Variants in IL34 observed in about 807,000 individuals in gnomAD.
The protein encoded by IL34 is interleukin-34.
A neutral mutation model predicts 25.3 loss-of-function variants in IL34; 17 were observed. The ratio of observed to expected loss-of-function variants is 0.67; its 90% CI spans 0.46 to 1.01. IL34 has a LOEUF of 1.01. IL34 is among the 50% of genes least tolerant of loss of function. The probability of loss-of-function intolerance (pLI) is 0.00; values close to 1 mark genes in which losing one functional copy is unlikely to be tolerated. For missense variants in IL34, 368 were observed against 312.9 expected, an observed-to-expected ratio of 1.18 and a Z score of -1.33; for synonymous variants, 174 against 140.9, an observed-to-expected ratio of 1.23 and a Z score of -1.66.
chr16:70,656,322 C>T (rs931872032), intron 2 of IL34, among the ~76,000 whole-genome samples: 1 of 152,136 alleles, frequency 6.6e-6, no homozygotes, highest in African/African-American at 2.4e-5. Context: ...GATTCAAGAC[C>T]AGCCTGGGCA....
chr16:70,633,764 C>A (rs1324017784), intron 1 of IL34, among the ~76,000 whole-genome samples: 1 of 152,130 alleles, frequency 6.6e-6, no homozygotes, highest in Non-Finnish European at 1.5e-5. Flanking sequence ...CTGTCTCTTC[C>A]CAGGTTCTGG....
Position 70,658,872 on chromosome 16 carries a change from G to A in IL34, c.403-746G>A, listed in dbSNP as rs113969558. Among the ~76,000 whole-genome samples, 464 of 152,334 alleles carry A rather than the reference G, an allele frequency of 3.0e-3. 1 individual carries two copies. The highest frequency in any genetic ancestry group is 0.011 in the African/African-American group (442 of 41,570). On this transcript the variant is annotated intron_variant, in intron 4 of 5. Coordinates refer to ENST00000288098, the MANE Select transcript of IL34 (RefSeq NM_001393494.1). ...TTAGGGCCTACCTGAAATCCAGGAT[G>A]ATGTCCTTCTAAGATCCTGAACTTA...
intron 1 of IL34, among the ~76,000 whole-genome samples, chr16:70,628,908 C>A (rs1186881422): frequency 6.6e-6 from 1 of 151,970 alleles, no homozygotes; most frequent in African/African-American, 2.4e-5. Flanking sequence ...CCACCTCGGC[C>A]TCCCGAGGAG....
chr16:70,659,640 T>C lies in IL34; in HGVS notation c.425T>C (p.Val142Ala). The change falls in exon 5 of 6, where the codon GTG (valine) becomes GCG (alanine). Residue 142 changes from valine (V) to alanine (A), a missense_variant. By Grantham distance (64) the Val-to-Ala change is moderately conservative (BLOSUM62 0). Coordinates refer to ENST00000288098, the MANE Select transcript of IL34 (RefSeq NM_001393494.1). ...GLTDVEVSPK[V>A]ESVLSLLNAP... ...CAGGATGTGGAGGTCAGCCCCAAGG[T>C]GGAATCCGTGTTGTCCCTCTTGAAT... 6.2e-7 allele frequency: 1 copy of C among 1,611,098 alleles called. No individual in the cohort carries two copies. The highest frequency in any genetic ancestry group is 1.1e-5 in the South Asian group (1 of 90,950).
At position 70,603,698 on chromosome 16, in the gene IL34, C is replaced by G. The variant is rs111359729; in HGVS notation, c.-401+23649C>G. On this transcript the variant is annotated intron_variant, in intron 1 of 6. Coordinates refer to the IL34 transcript ENST00000429149. The stretch of plus-strand genomic sequence containing the variant: ...GATGATGATTCTCCCACCTCAGCCT[C>G]CTGAACAACTGGGAGTACACACAGG... Among the ~76,000 whole-genome samples, 91 of 152,300 alleles carry G rather than the reference C, an allele frequency of 6.0e-4. 2 individuals carry two copies. The highest frequency in any genetic ancestry group is 2.0e-3 in the African/African-American group (84 of 41,558).
At chr16:70,630,692 G>A (rs1447138806) in intron 1 of IL34, among the ~76,000 whole-genome samples, 2 of 150,610 alleles carry the variant, frequency 1.3e-5, no homozygotes, top group Non-Finnish European at 2.9e-5. Context: ...TCCTACCTCA[G>A]CTTCCCAAGT....
At chr16:70,580,856 C>A (rs544042086) in intron 1 of IL34, among the ~76,000 whole-genome samples, 2 of 150,846 alleles carry the variant, frequency 1.3e-5, no homozygotes, top group East Asian at 3.9e-4. Context: ...ATAGGTAAGT[C>A]TTTCTCATGC....
intron 1 of IL34, among the ~76,000 whole-genome samples, chr16:70,603,498 G>A (rs146250873): frequency 0.013 from 1,981 of 152,128 alleles, 55 homozygotes; most frequent in African/African-American, 0.045. Context: ...GGCTGGTCTC[G>A]AACTCCTGAC....
Position 70,651,762 on chromosome 16 carries a change from TAA to T in IL34, c.29-2762_29-2761del, listed in dbSNP as rs10713010. The stretch of plus-strand genomic sequence containing the variant: ...GACTCAGCCTGCCTGACTGCTTTTG[TAA>T]AAAAAAAAAAAAAGAGGATGGTTAT... On this transcript the variant is annotated intron_variant, in intron 1 of 5. Coordinates refer to ENST00000288098, the MANE Select transcript of IL34 (RefSeq NM_001393494.1). 6.8e-3 allele frequency among the ~76,000 whole-genome samples: 979 copies of T among 143,382 alleles called. 9 individuals carry two copies. The highest frequency in any genetic ancestry group is 0.021 in the African/African-American group (817 of 39,120). 94.1% of individuals were successfully genotyped at this position (143,382 alleles called of 152,430 possible).
intron 1 of IL34, among the ~76,000 whole-genome samples, chr16:70,610,969 CT>C: frequency 8.9e-6 from 1 of 112,878 alleles, no homozygotes; most frequent in African/African-American, 3.6e-5. Context: ...CTTCTTCTTT[CT>C]TTCTTCTTTT....
intron 1 of IL34, among the ~76,000 whole-genome samples, chr16:70,613,272 T>C (rs777764342): frequency 2.6e-5 from 4 of 152,208 alleles, no homozygotes; most frequent in Non-Finnish European, 5.9e-5. Context: ...GGACTGTGCA[T>C]GATTTAGTAA....
intron 1 of IL34, among the ~76,000 whole-genome samples, chr16:70,611,425 C>A (rs897251683): frequency 2.6e-5 from 4 of 152,102 alleles, no homozygotes; most frequent in Non-Finnish European, 5.9e-5. Context: ...AGGGGGGCCA[C>A]TGACTGAATT....
At chr16:70,626,809 C>G (rs539101389) in intron 1 of IL34, among the ~76,000 whole-genome samples, 16 of 152,110 alleles carry the variant, frequency 1.1e-4, no homozygotes, top group Admixed American at 2.0e-4. Context: ...ATTTTTTCTT[C>G]CAGATGACTT....
At chr16:70,646,470 C>G (rs1007371882), upstream of IL34, 2 of 159,630 alleles carry the variant, frequency 1.3e-5, no homozygotes, top group Non-Finnish European at 2.7e-5. Flanking sequence ...GCCGTGGGTG[C>G]GGTGTGCGCT....
intron 1 of IL34, among the ~76,000 whole-genome samples, chr16:70,633,996 G>A (rs1413867092): frequency 2.0e-5 from 3 of 151,998 alleles, no homozygotes; most frequent in East Asian, 1.9e-4. Flanking sequence ...AATTACAGGC[G>A]TGCACCACCA....
chr16:70,610,917 T>A (rs1393787304), intron 1 of IL34, among the ~76,000 whole-genome samples: 1 of 152,302 alleles, frequency 6.6e-6, no homozygotes, highest in East Asian at 1.9e-4. Flanking sequence ...AAAAAACTGC[T>A]TGCGTTCTTT....
chr16:70,611,039 C>T (rs1474168833), intron 1 of IL34, among the ~76,000 whole-genome samples: 4 of 152,114 alleles, frequency 2.6e-5, no homozygotes, highest in Non-Finnish European at 4.4e-5. Context: ...AGTGGCCTGG[C>T]ACAATCTCAG....
chr16:70,621,324 G>A (rs140517419), intron 1 of IL34, among the ~76,000 whole-genome samples: 1,592 of 152,148 alleles, frequency 0.01, 33 homozygotes, highest in African/African-American at 0.036. Context: ...TTGGGTCCAC[G>A]GATAAAACAT....
At chr16:70,635,069 C>A (rs7190667) in intron 1 of IL34, among the ~76,000 whole-genome samples, 2 of 152,112 alleles carry the variant, frequency 1.3e-5, no homozygotes, top group Non-Finnish European at 2.9e-5. Flanking sequence ...CTTGGTCATT[C>A]GTCTTATGGC....
Sources: allele counts gnomAD v4.1 joint callset (sites outside exome capture counted in the v4.1 genomes callset), GRCh38; gene constraint gnomAD v4.1.1; transcripts MANE v1.5; gene names NCBI Gene and HGNC (gene_info 2026-07-23, HGNC 2026-07-21).